CASS4: variants seen among roughly 807,000 people sequenced by gnomAD.
CASS4 encodes cas scaffolding protein family member 4.
Under a neutral mutation model 54.2 loss-of-function variants are expected in CASS4, and 22 were observed. The ratio of observed to expected loss-of-function variants is 0.41; its 90% confidence interval spans 0.29 to 0.58. CASS4 has a LOEUF of 0.58. Among genes scored for constraint, CASS4 ranks in the 20% least tolerant of loss-of-function variants. The pLI is 0.36. For synonymous variants in CASS4, 409 were observed against 391.5 expected, an observed-to-expected ratio of 1.04 and a Z score of -0.53; for missense variants, 854 against 986.7, an observed-to-expected ratio of 0.87 and a Z score of 1.80.
rs1047481957 is a variant in CASS4 at position 56,430,916 on chromosome 20, C to T, written c.37-6248C>T. ...AAATGAATGAGGGTAGAGCTGCAAA[C>T]TGGGAGGCTGATCCTGCCTCGAAGC... On this transcript the variant is annotated intron_variant, in intron 1 of 5. Coordinates refer to ENST00000679887, the MANE Select transcript of CASS4 (RefSeq NM_020356.4). This position sits in a 1 kb window ranked among gnomAD's most constrained non-coding sequence, Gnocchi z 4.2. 6.6e-6 allele frequency among the ~76,000 whole-genome samples: 1 copy of T among 152,182 alleles called. No homozygotes were observed. Among genetic ancestry groups the T allele is most frequent in the Non-Finnish European group, 1.5e-5 (1 of 68,020 alleles).
At chr20:56,433,737 G>A (rs1980025893) in intron 1 of CASS4, among the ~76,000 whole-genome samples, 1 of 152,074 alleles carries the variant, frequency 6.6e-6, no homozygotes, top group African/African-American at 2.4e-5. Flanking sequence ...ACACTCACTG[G>A]GCTCAGACAA....
intron 2 of CASS4, among the ~76,000 whole-genome samples, chr20:56,445,121 A>AAAGGT (rs2146288701): frequency 6.6e-6 from 1 of 152,220 alleles, no homozygotes; most frequent in African/African-American, 2.4e-5. Context: ...AAAAAAAAAA[A>AAAGGT]AGGTTTATAT....
At chr20:56,456,755 T>A (rs761886641) in intron 5 of CASS4, among the ~76,000 whole-genome samples, 1 of 152,046 alleles carries the variant, frequency 6.6e-6, no homozygotes, top group Non-Finnish European at 1.5e-5. Context: ...CATGGCTCAC[T>A]GCAGCCTCCA....
chr20:56,431,208 A>G (rs1475876206), intron 1 of CASS4, among the ~76,000 whole-genome samples: 1 of 152,222 alleles, frequency 6.6e-6, no homozygotes, highest in Admixed American at 6.5e-5. Context: ...ATTTCATAGA[A>G]ATAGGTAATA....
intron 1 of CASS4, among the ~76,000 whole-genome samples, chr20:56,413,106 G>C (rs570249871): frequency 6.6e-6 from 1 of 151,862 alleles, no homozygotes; most frequent in East Asian, 1.9e-4. Context: ...AGAGGCTGAG[G>C]TGAGAAGATT....
chr20:56,455,021 A>T (rs1371744762), intron 5 of CASS4, among the ~76,000 whole-genome samples: 1 of 151,864 alleles, frequency 6.6e-6, no homozygotes, highest in East Asian at 1.9e-4. Context: ...AATAGGACTG[A>T]CTCCGTTCCT....
rs367625281 is a variant in CASS4 at position 56,451,967 on chromosome 20, C to T, written c.791C>T (p.Ala264Val). The change falls in exon 5 of 6, where the codon GCG (alanine) becomes GTG (valine). Residue 264 changes from alanine (A) to valine (V), a missense_variant. Transcript: ENST00000679887. ...SVRNTPLTSF[A>V]EESRPHALPS... Reference sequence around the variant, plus strand: ...AGAAACACGCCTCTCACCAGCTTTGCGGAAGAATCAAGGCCCCACGCTCTC... The same window carrying T: ...AGAAACACGCCTCTCACCAGCTTTGTGGAAGAATCAAGGCCCCACGCTCTC... 38 of 1,614,062 alleles carry T rather than the reference C, an allele frequency of 2.4e-5. No homozygotes were observed. The highest frequency in any genetic ancestry group is 6.6e-5 in the South Asian group (6 of 91,086).
At chr20:56,456,241 CA>C (rs2146300379) in intron 5 of CASS4, among the ~76,000 whole-genome samples, 1 of 152,170 alleles carries the variant, frequency 6.6e-6, no homozygotes, top group South Asian at 2.1e-4. Context: ...ATGCGATAAC[CA>C]AAACTATCTC....
At chr20:56,447,355 G>C (rs1190707532) in intron 3 of CASS4, among the ~76,000 whole-genome samples, 1 of 152,202 alleles carries the variant, frequency 6.6e-6, no homozygotes, top group East Asian at 1.9e-4. Context: ...GCTTGGGCCT[G>C]CCTGCTGGGC....
intron 2 of CASS4, among the ~76,000 whole-genome samples, chr20:56,438,368 T>C (rs1980294728): frequency 6.6e-6 from 1 of 151,444 alleles, no homozygotes; most frequent in South Asian, 2.1e-4. Context: ...AGCAGGCAAA[T>C]ATATGTCTGG....
At chr20:56,424,259 A>C (rs139836473) in intron 1 of CASS4, among the ~76,000 whole-genome samples, 336 of 152,334 alleles carry the variant, frequency 2.2e-3, no homozygotes, top group Admixed American at 4.7e-3. Flanking sequence ...TAATTCTCTC[A>C]CACATTAGGC....
At chr20:56,433,072 A>T (rs1979992067) in intron 1 of CASS4, among the ~76,000 whole-genome samples, 1 of 152,248 alleles carries the variant, frequency 6.6e-6, no homozygotes, top group African/African-American at 2.4e-5. Flanking sequence ...GTCCTGGATC[A>T]TGGGACGCAG....
intron 3 of CASS4, among the ~76,000 whole-genome samples, chr20:56,448,891 A>C (rs971869092): frequency 1.3e-5 from 2 of 152,164 alleles, no homozygotes; most frequent in Non-Finnish European, 2.9e-5. Context: ...GAGAAATGCA[A>C]ATCAAAACCA....
Position 56,460,011 on chromosome 20 carries a change from A to C in CASS4, c.*1264A>C, listed in dbSNP as rs1167540292. 1.3e-5 allele frequency: 2 copies of C among 152,424 alleles called. No homozygotes were observed. Among genetic ancestry groups the C allele is most frequent in the Non-Finnish European group, 2.9e-5 (2 of 68,050 alleles). 9.4% of individuals were successfully genotyped at this position (152,424 alleles called of 1,614,324 possible). A position where few individuals can be genotyped will look rare whatever the true frequency, so the allele number is the denominator to read the frequency against. ...TCTTCAAATGGTTAATTTTTATTGC[A>C]TCCATTAGATAATAGAGTAAGTTTT... On this transcript the variant is annotated 3_prime_UTR_variant, in exon 6 of 6. Transcript: ENST00000679887.
rs574780174 is a variant in CASS4, at chr20:56,437,061, G to A, written c.37-103G>A. ...GGGGTGGAAGAAATGAAATGAAAGG[G>A]CATGATGAATTTGTATGAAGCTTTC... On this transcript the variant is annotated intron_variant, in intron 1 of 5. Transcript: ENST00000679887. The surrounding 1 kb of genome is among the most constrained non-coding windows in gnomAD (Gnocchi z 4.7). 332 of 1,015,524 alleles carry A rather than the reference G, an allele frequency of 3.3e-4. No individual in the cohort carries two copies. The highest frequency in any genetic ancestry group is 4.5e-4 in the Non-Finnish European group (311 of 692,100). 62.9% of individuals were successfully genotyped at this position (1,015,524 alleles called of 1,614,324 possible).
chr20:56,447,363 G>A (rs1182448503), intron 3 of CASS4, among the ~76,000 whole-genome samples: 1 of 152,160 alleles, frequency 6.6e-6, no homozygotes, highest in African/African-American at 2.4e-5. Context: ...CTGCCTGCTG[G>A]GCTGGGCTCC....
intron 1 of CASS4, among the ~76,000 whole-genome samples, chr20:56,433,971 T>C (rs1980035584): frequency 3.3e-5 from 5 of 152,240 alleles, no homozygotes; most frequent in Admixed American, 3.3e-4. Context: ...GGGCTGCAGC[T>C]GATTCTGTAG....
chr20:56,412,089 T>G, upstream of CASS4: 1 of 311,424 alleles, frequency 3.2e-6, no homozygotes, highest in Non-Finnish European at 6.2e-6. This position sits in a 1 kb window ranked among gnomAD's most constrained non-coding sequence, Gnocchi z 4.2. Flanking sequence ...CTCTTCGAAG[T>G]AGGAACTTCG....
chr20:56,426,400 G>A (rs1185358988), intron 1 of CASS4, among the ~76,000 whole-genome samples: 5 of 152,152 alleles, frequency 3.3e-5, no homozygotes, highest in South Asian at 2.1e-4. Flanking sequence ...TTCCCGAGGC[G>A]TTGGCTAAAC....
Sources: allele counts gnomAD v4.1 joint callset (sites outside exome capture counted in the v4.1 genomes callset), GRCh38; gene constraint gnomAD v4.1.1; non-coding constraint Gnocchi (gnomAD v3.1); transcripts MANE v1.5; gene names NCBI Gene and HGNC (gene_info 2026-07-23, HGNC 2026-07-21).